The following PTER variants were observed in gnomAD, a reference collection of about 807,000 sequenced individuals.
PTER encodes N-acetyltaurine hydrolase.
In PTER, 38 loss-of-function variants were observed where a neutral mutation model predicts 29.6. That is an observed-to-expected ratio of 1.28 (90% confidence interval 0.99 to 1.68). PTER has a LOEUF of 1.68. PTER is among the 40% of genes most tolerant of loss of function. PTER has a pLI of 0.00. For synonymous variants in PTER, 172 were observed against 154.5 expected, an observed-to-expected ratio of 1.11 and a Z score of -0.84; for missense variants, 482 against 427.8, an observed-to-expected ratio of 1.13 and a Z score of -1.12.
intron 3 of PTER, 123 bp downstream of exon 3, chr10:16,486,740 G>A (rs1835717442): frequency 9.0e-7 from 1 of 1,111,926 alleles, no homozygotes; most frequent in Non-Finnish European, 1.3e-6. Flanking sequence ...TAACTATATG[G>A]AAGGTAGTAT....
downstream of PTER, among the ~76,000 whole-genome samples, chr10:16,515,561 G>A (rs7905486): frequency 0.35 from 52,676 of 151,972 alleles, 9,245 homozygotes; most frequent in South Asian, 0.47. Flanking sequence ...TGATTTGAGG[G>A]CAGAGGCTGC....
At chr10:16,441,174 C>T (rs920982826) in intron 1 of PTER, among the ~76,000 whole-genome samples, 1 of 152,198 alleles carries the variant, frequency 6.6e-6, no homozygotes, top group South Asian at 2.1e-4. Context: ...AGAATCAAGG[C>T]TTTCATTTTT....
intron 1 of PTER, among the ~76,000 whole-genome samples, chr10:16,471,929 T>C (rs1397311023): frequency 6.6e-6 from 1 of 152,250 alleles, no homozygotes; most frequent in Non-Finnish European, 1.5e-5. Flanking sequence ...ACTGCTAAAT[T>C]ACTTTTCAGA....
chr10:16,470,665 G>A (rs542118831), intron 1 of PTER, among the ~76,000 whole-genome samples: 1 of 152,122 alleles, frequency 6.6e-6, no homozygotes, highest in Non-Finnish European at 1.5e-5. Flanking sequence ...CTACTTGGGA[G>A]GCTGAGGCAG....
intron 4 of PTER, among the ~76,000 whole-genome samples, chr10:16,509,630 G>A (rs1163544359): frequency 6.6e-6 from 1 of 152,096 alleles, no homozygotes; most frequent in Non-Finnish European, 1.5e-5. Flanking sequence ...TATTGTGTGT[G>A]CATTCTGTCA....
chr10:16,450,236 G>A (rs1346616610), intron 1 of PTER, among the ~76,000 whole-genome samples: 3 of 152,128 alleles, frequency 2.0e-5, no homozygotes, highest in Admixed American at 6.6e-5. Flanking sequence ...AAGCAAACGG[G>A]TATTGGGAGT....
chr10:16,455,457 G>C (rs568080022), intron 1 of PTER, among the ~76,000 whole-genome samples: 2 of 152,080 alleles, frequency 1.3e-5, no homozygotes, highest in Admixed American at 1.3e-4. Flanking sequence ...TTGGGAGACC[G>C]AGTCAGGAGG....
downstream of PTER, chr10:16,514,216 A>G (rs1836912782): frequency 4.6e-6 from 2 of 430,622 alleles, no homozygotes; most frequent in Non-Finnish European, 8.1e-6. Context: ...ATATATATAG[A>G]AGAAATAATT....
chr10:16,463,878 G>A (rs902202516), intron 1 of PTER, among the ~76,000 whole-genome samples: 5 of 152,118 alleles, frequency 3.3e-5, no homozygotes, highest in Non-Finnish European at 5.9e-5. Flanking sequence ...TAGTGAAAGT[G>A]GAATACAGCT....
chr10:16,459,268 C>G (rs781393374), intron 1 of PTER, among the ~76,000 whole-genome samples: 2 of 152,120 alleles, frequency 1.3e-5, no homozygotes, highest in African/African-American at 2.4e-5. Context: ...TGAAGCTGGA[C>G]GATTTTACGT....
intron 1 of PTER, among the ~76,000 whole-genome samples, chr10:16,479,725 G>A (rs1439212140): frequency 6.6e-6 from 1 of 151,436 alleles, no homozygotes; most frequent in African/African-American, 2.4e-5. Context: ...ACTGCTTCTG[G>A]TTTCTTGCCA....
intron 4 of PTER, 70 bp downstream of exon 4, chr10:16,505,230 T>A: frequency 6.5e-7 from 1 of 1,549,176 alleles, no homozygotes; most frequent in South Asian, 1.2e-5. Flanking sequence ...TCTAGGGAAG[T>A]ATTAGCAAAG....
At chr10:16,499,905 ATTTG>A (rs1197538235) in intron 3 of PTER, among the ~76,000 whole-genome samples, 8 of 149,750 alleles carry the variant, frequency 5.3e-5, no homozygotes, top group African/African-American at 1.7e-4. Context: ...TTTTCTTTCT[ATTTG>A]TTTGTTTATG....
intron 1 of PTER, among the ~76,000 whole-genome samples, chr10:16,483,944 T>C (rs1339058748): frequency 6.6e-6 from 1 of 152,206 alleles, no homozygotes; most frequent in African/African-American, 2.4e-5. Flanking sequence ...CATGGTTAGT[T>C]TGGATGTAAG....
Position 16,480,128 on chromosome 10 carries a change from G to C in PTER, c.-48-4209G>C, listed in dbSNP as rs765476221. Among the ~76,000 whole-genome samples, 64 of 150,350 alleles carry C rather than the reference G, an allele frequency of 4.3e-4. 1 individual carries two copies. The Middle Eastern group carries it at 0.017, about 40-fold the overall frequency. On this transcript the variant is annotated intron_variant, in intron 1 of 4. Transcript: ENST00000535784. ...AGAATTAGACCTTTCATGGTTGGGG[G>C]AGGAGTTGGGAAAGTCAACTGAAAA...
At chr10:16,505,295 A>T in intron 4 of PTER, 135 bp downstream of exon 4, 1 of 1,135,302 alleles carries the variant, frequency 8.8e-7, no homozygotes, top group Non-Finnish European at 1.2e-6. Context: ...AAATATATCT[A>T]TGCTGTTTCA....
At chr10:16,442,783 C>T (rs1833891444) in intron 1 of PTER, among the ~76,000 whole-genome samples, 1 of 152,152 alleles carries the variant, frequency 6.6e-6, no homozygotes, top group East Asian at 1.9e-4. Context: ...AGTTCGATAC[C>T]AGCCTGGCCA....
chr10:16,447,026 C>T (rs1025315350), intron 1 of PTER, among the ~76,000 whole-genome samples: 1 of 151,704 alleles, frequency 6.6e-6, no homozygotes, highest in African/African-American at 2.4e-5. Flanking sequence ...TGACTTCAGG[C>T]GATCTGCCTC....
At chr10:16,495,299 T>C (rs1185607003) in intron 3 of PTER, among the ~76,000 whole-genome samples, 1 of 151,822 alleles carries the variant, frequency 6.6e-6, no homozygotes, top group Non-Finnish European at 1.5e-5. Context: ...GCCTCCTAAG[T>C]AGCTGAGATT....
Sources: gnomAD v4.1 joint callset for allele counts (sites outside exome capture counted in the v4.1 genomes callset) on GRCh38, gnomAD v4.1.1 for gene constraint, MANE v1.5 for transcripts, NCBI Gene and HGNC (gene_info 2026-07-23, HGNC 2026-07-21) for gene names.